Variants in FNDC3A observed in about 807,000 individuals in gnomAD.
FNDC3A encodes fibronectin type III domain containing 3A, also known as fibronectin type-III domain-containing protein 3A.
FNDC3A carries 32 observed loss-of-function variants against 148.9 expected under a neutral mutation model. The ratio of observed to expected loss-of-function variants is 0.21; its 90% CI spans 0.16 to 0.29. FNDC3A has a LOEUF of 0.29. FNDC3A is among the 10% of genes least tolerant of loss of function. The pLI is 1.00. For synonymous variants in FNDC3A, 472 were observed against 473.6 expected, an observed-to-expected ratio of 1.00 and a Z score of 0.04; for missense variants, 1,191 against 1,452.8, an observed-to-expected ratio of 0.82 and a Z score of 2.93.
intron 2 of FNDC3A, among the ~76,000 whole-genome samples, chr13:49,064,131 A>G (rs1877090332): frequency 6.6e-6 from 1 of 152,148 alleles, no homozygotes; most frequent in African/African-American, 2.4e-5. Context: ...TCACGAGGTC[A>G]GGAGTTTGAG....
At chr13:49,192,498 T>A (rs1414170179) in intron 19 of FNDC3A, among the ~76,000 whole-genome samples, 1 of 152,142 alleles carries the variant, frequency 6.6e-6, no homozygotes, top group Non-Finnish European at 1.5e-5. Flanking sequence ...GGTTTTGTCA[T>A]GTTGCCCAGG....
Position 49,158,539 on chromosome 13 carries a change from T to C in FNDC3A, c.978-8705T>C, listed in dbSNP as rs575641602. ...GCTGTTCCTATTCGGCCATCTTCGA[T>C]TGCAAAAATTTTCTCCCATTCTGTA... is the stretch of plus-strand genomic sequence containing the variant. On this transcript the variant is annotated intron_variant, in intron 8 of 25. Coordinates refer to ENST00000492622, the MANE Select transcript of FNDC3A (RefSeq NM_001079673.2). Among the ~76,000 whole-genome samples the C allele has an allele frequency of 1.4e-3, 211 of 152,356 alleles. 1 individual carries two copies. Among genetic ancestry groups the C allele is most frequent in the African/African-American group, 4.6e-3 (191 of 41,588 alleles).
At chr13:49,057,823 C>T (rs2137728292) in intron 2 of FNDC3A, among the ~76,000 whole-genome samples, 1 of 152,242 alleles carries the variant, frequency 6.6e-6, no homozygotes, top group African/African-American at 2.4e-5. Flanking sequence ...TTAACTAGCA[C>T]ACTTTCTGAT....
At chr13:49,142,475 TCCACTCTCC>T (rs1882744148) in intron 7 of FNDC3A, among the ~76,000 whole-genome samples, 1 of 152,138 alleles carries the variant, frequency 6.6e-6, no homozygotes, top group Non-Finnish European at 1.5e-5. Context: ...GTTTATAGGA[TCCACTCTCC>T]CCACTGTCCC....
chr13:49,194,573 G>A (rs1886056578), intron 19 of FNDC3A, among the ~76,000 whole-genome samples: 1 of 151,948 alleles, frequency 6.6e-6, no homozygotes, highest in African/African-American at 2.4e-5. Flanking sequence ...ACAGGATATA[G>A]TTACTATGAG....
At chr13:49,034,964 T>C (rs1004436206) in intron 2 of FNDC3A, among the ~76,000 whole-genome samples, 7 of 152,054 alleles carry the variant, frequency 4.6e-5, no homozygotes, top group African/African-American at 1.7e-4. Flanking sequence ...CCTGGACTTA[T>C]TTTGAATATC....
intron 2 of FNDC3A, among the ~76,000 whole-genome samples, chr13:49,030,494 A>C (rs1402024905): frequency 6.6e-6 from 1 of 152,206 alleles, no homozygotes. Context: ...ACTTCTATTC[A>C]ACGTTGTACT....
At chr13:49,150,194 C>T (rs1046214893) in intron 8 of FNDC3A, among the ~76,000 whole-genome samples, 1 of 152,186 alleles carries the variant, frequency 6.6e-6, no homozygotes, top group Non-Finnish European at 1.5e-5. Context: ...CCACGTCAGC[C>T]TCCCAAGTAC....
chr13:49,173,840 C>G (rs1884888558), intron 11 of FNDC3A, among the ~76,000 whole-genome samples: 1 of 152,130 alleles, frequency 6.6e-6, no homozygotes, highest in South Asian at 2.1e-4. Context: ...TGAAACTTAC[C>G]CATTTTAGTT....
At chr13:49,137,420 C>G (rs1882437196) in intron 6 of FNDC3A, among the ~76,000 whole-genome samples, 2 of 152,228 alleles carry the variant, frequency 1.3e-5, no homozygotes, top group South Asian at 4.1e-4. Context: ...TGTCAGCTCA[C>G]TGCAACCTCC....
chr13:49,159,802 G>A (rs537651059), intron 8 of FNDC3A, among the ~76,000 whole-genome samples: 10 of 152,228 alleles, frequency 6.6e-5, no homozygotes, highest in African/African-American at 1.9e-4. Context: ...TCAATACCTA[G>A]TTTATTCAGA....
intron 2 of FNDC3A, among the ~76,000 whole-genome samples, chr13:49,027,362 C>G (rs994796188): frequency 6.6e-6 from 1 of 152,124 alleles, no homozygotes; most frequent in Non-Finnish European, 1.5e-5. Flanking sequence ...AACGCTGTCT[C>G]CTTACATTCA....
chr13:48,975,485 T>G (rs1057442594), upstream of FNDC3A: 1 of 152,242 alleles, frequency 6.6e-6, no homozygotes, highest in Non-Finnish European at 1.5e-5. Context: ...GGCTTCCTAG[T>G]CCTTGGGAGG....
chr13:49,013,117 A>G (rs114159984), intron 2 of FNDC3A, among the ~76,000 whole-genome samples: 2,837 of 152,076 alleles, frequency 0.019, 92 homozygotes, highest in African/African-American at 0.063. Flanking sequence ...GGAGTTGGAG[A>G]CCAGCCTGTG....
intron 3 of FNDC3A, among the ~76,000 whole-genome samples, chr13:49,110,691 C>A (rs1370118747): frequency 6.6e-6 from 1 of 151,990 alleles, no homozygotes; most frequent in Non-Finnish European, 1.5e-5. Context: ...CCATTGTGAA[C>A]GCTGGCTTAT....
intron 23 of FNDC3A, among the ~76,000 whole-genome samples, chr13:49,200,478 T>G (rs1476028669): frequency 6.6e-6 from 1 of 152,148 alleles, no homozygotes; most frequent in Admixed American, 6.5e-5. Flanking sequence ...GTATAGCCAT[T>G]TATCTTTAAT....
intron 1 of FNDC3A, among the ~76,000 whole-genome samples, chr13:48,994,661 C>T (rs1951989685): frequency 6.6e-6 from 1 of 151,980 alleles, no homozygotes; most frequent in Non-Finnish European, 1.5e-5. Context: ...GCCTGTAATC[C>T]CAGCTACTCC....
intron 1 of FNDC3A, among the ~76,000 whole-genome samples, chr13:48,991,617 G>T (rs774332263): frequency 2.6e-4 from 40 of 152,020 alleles, no homozygotes; most frequent in Admixed American, 4.6e-4. Context: ...GAACCTGGGA[G>T]GTTGAGGCTG....
chr13:49,078,128 C>T (rs576697844), intron 3 of FNDC3A, among the ~76,000 whole-genome samples: 2 of 152,228 alleles, frequency 1.3e-5, no homozygotes, highest in South Asian at 4.1e-4. Flanking sequence ...GAGGAAGATA[C>T]TCATTACTGT....
Sources: gnomAD v4.1 joint callset for allele counts (sites outside exome capture counted in the v4.1 genomes callset) on GRCh38, gnomAD v4.1.1 for gene constraint, MANE v1.5 for transcripts, NCBI Gene and HGNC (gene_info 2026-07-23, HGNC 2026-07-21) for gene names.